Variants in CTDSPL2 observed in about 807,000 individuals in gnomAD.
CTDSPL2 encodes the protein CTD small phosphatase like 2.
A neutral mutation model predicts 60.0 loss-of-function variants in CTDSPL2; 5 were observed. That is an observed-to-expected ratio of 0.08 (90% CI 0.04 to 0.18). The LOEUF (loss-of-function observed/expected upper bound fraction) is 0.18, where lower values mean the gene tolerates loss of function less well. Ranked by LOEUF, CTDSPL2 falls within the 10% of genes least tolerant of loss-of-function variation. The pLI is 1.00. For missense variants in CTDSPL2, 370 were observed against 548.8 expected (o/e 0.67, Z 3.26); for synonymous variants, 186 against 189.3 (o/e 0.98, Z 0.14).
At chr15:44,456,430 T>G (rs1165979273) in intron 1 of CTDSPL2, among the ~76,000 whole-genome samples, 1 of 152,172 alleles carries the variant, frequency 6.6e-6, no homozygotes, top group Non-Finnish European at 1.5e-5. Context: ...CCTGTTATTG[T>G]TCTATTCAGA....
At chr15:44,521,266 A>G in intron 11 of CTDSPL2, 45 bp from the exon 12 acceptor site, 2 of 972,082 alleles carry the variant, frequency 2.1e-6, no homozygotes, top group Non-Finnish European at 3.1e-6. Flanking sequence ...CAAACTAGGT[A>G]AAATATAAGT....
intron 1 of CTDSPL2, among the ~76,000 whole-genome samples, chr15:44,435,607 TG>T (rs1177609589): frequency 1.3e-5 from 2 of 149,592 alleles, no homozygotes; most frequent in Non-Finnish European, 1.5e-5. Flanking sequence ...GTTGTAGAGT[TG>T]TTTTTTTTTT....
At chr15:44,497,375 TA>T (rs1173864005) in intron 7 of CTDSPL2, among the ~76,000 whole-genome samples, 3 of 152,174 alleles carry the variant, frequency 2.0e-5, no homozygotes, top group Non-Finnish European at 4.4e-5. Context: ...CACAATTTCT[TA>T]TTTTTTTGAG....
chr15:44,519,445 A>T (rs778573316), intron 11 of CTDSPL2, 150 bp downstream of exon 11: 2 of 731,274 alleles, frequency 2.7e-6, no homozygotes, highest in Non-Finnish European at 4.2e-6. Flanking sequence ...TAGAAATGAC[A>T]AAGTGGTATA....
intron 8 of CTDSPL2, chr15:44,503,734 G>T (rs1210209142): frequency 6.6e-6 from 1 of 152,202 alleles, no homozygotes. Flanking sequence ...TGTAAAGCTT[G>T]GCAGGGGCAT....
chr15:44,499,848 T>C lies in CTDSPL2; in HGVS notation c.969+35T>C, dbSNP rs769384414. 5.0e-6 allele frequency: 6 copies of C among 1,202,040 alleles called. No individual in the cohort carries two copies. In the South Asian group the frequency reaches 7.6e-5, roughly 15 times the overall value. 74.5% of individuals were successfully genotyped at this position (1,202,040 alleles called of 1,614,324 possible). On this transcript the variant is annotated intron_variant, in intron 8 of 12. Transcript: ENST00000260327. ...ATTTTTTTGATGATTTTTGGCCTGA[T>C]AGGTAACATTCTGATAAAAAAAACT...
At chr15:44,449,248 G>T (rs2080284166) in intron 1 of CTDSPL2, 2 of 261,374 alleles carry the variant, frequency 7.7e-6, no homozygotes, top group South Asian at 1.1e-4. Context: ...TTCACTTTCA[G>T]TGGTCTTCCA....
At chr15:44,444,849 T>A (rs1049391875) in intron 1 of CTDSPL2, among the ~76,000 whole-genome samples, 1 of 124,686 alleles carries the variant, frequency 8.0e-6, no homozygotes, top group Non-Finnish European at 1.7e-5. Flanking sequence ...TTTTTTTTTT[T>A]TTTTTTTTTT....
At chr15:44,459,400 G>A (rs901394808) in intron 2 of CTDSPL2, among the ~76,000 whole-genome samples, 200 bp downstream of exon 2, 3 of 152,102 alleles carry the variant, frequency 2.0e-5, no homozygotes, top group South Asian at 2.1e-4. Flanking sequence ...GGTGGCGGGC[G>A]CCTGTAGTCC....
chr15:44,464,012 T>C (rs942196111), intron 2 of CTDSPL2, among the ~76,000 whole-genome samples: 2 of 152,204 alleles, frequency 1.3e-5, no homozygotes, highest in African/African-American at 4.8e-5. Flanking sequence ...CGACAGCTTT[T>C]ACTTTTTTTC....
chr15:44,435,447 G>A (rs1386988222), intron 1 of CTDSPL2, among the ~76,000 whole-genome samples: 1 of 151,486 alleles, frequency 6.6e-6, no homozygotes. Context: ...GCGCATGCCT[G>A]TAATCCCAGC....
chr15:44,486,784 C>CTTCGTCTCAA, intron 4 of CTDSPL2, 84 bp downstream of exon 4: 1 of 964,260 alleles, frequency 1.0e-6, no homozygotes, highest in Non-Finnish European at 1.5e-6. Flanking sequence ...TTTCTTGAGA[C>CTTCGTCTCAA]GAAGTCTCTC....
intron 7 of CTDSPL2, 120 bp from the exon 8 acceptor site, chr15:44,499,607 A>G: frequency 1.7e-6 from 1 of 576,432 alleles, no homozygotes; most frequent in Non-Finnish European, 3.0e-6. Context: ...GTAATATATT[A>G]TAAATGTAAA....
intron 2 of CTDSPL2, among the ~76,000 whole-genome samples, chr15:44,474,762 A>G (rs1567080883): frequency 1.3e-5 from 2 of 152,168 alleles, no homozygotes; most frequent in South Asian, 4.2e-4. Context: ...AGGCTGAGGC[A>G]GGAGAATTGC....
chr15:44,433,459 T>TAC (rs56657073), intron 1 of CTDSPL2, among the ~76,000 whole-genome samples: 5,697 of 147,744 alleles, frequency 0.039, 150 homozygotes, highest in African/African-American at 0.069. Flanking sequence ...TACATATATA[T>TAC]ACACACACAC....
At position 44,465,164 on chromosome 15, in the gene CTDSPL2, C is replaced by G. The variant is rs138782397; in HGVS notation, c.186+5964C>G. Reference sequence around the variant, plus strand: ...AAATACAGATTTTGTGATTCAAAGACTTCAGATTTATGAAATTATCAGCAA... The same window carrying G: ...AAATACAGATTTTGTGATTCAAAGAGTTCAGATTTATGAAATTATCAGCAA... On this transcript the variant is annotated intron_variant, in intron 2 of 12. Coordinates refer to ENST00000260327, the MANE Select transcript of CTDSPL2 (RefSeq NM_016396.3). 2.6e-5 allele frequency among the ~76,000 whole-genome samples: 4 copies of G among 152,244 alleles called. 1 individual carries two copies. The highest frequency in any genetic ancestry group is 9.6e-5 in the African/African-American group (4 of 41,568).
chr15:44,430,794 A>G (rs563055855), intron 1 of CTDSPL2, among the ~76,000 whole-genome samples: 1 of 152,052 alleles, frequency 6.6e-6, no homozygotes, highest in South Asian at 2.1e-4. Context: ...GTTTTAAGTA[A>G]ATTGGCTACA....
chr15:44,471,712 A>G (rs2080814165), intron 2 of CTDSPL2, among the ~76,000 whole-genome samples: 1 of 152,144 alleles, frequency 6.6e-6, no homozygotes, highest in Non-Finnish European at 1.5e-5. Context: ...TTGTGCAACC[A>G]TTGCCTCAAC....
intron 1 of CTDSPL2, 73 bp from the exon 2 acceptor site, chr15:44,458,918 G>T (rs1213284727): frequency 5.1e-6 from 5 of 974,532 alleles, no homozygotes; most frequent in Non-Finnish European, 7.1e-6. Flanking sequence ...TATAAGCTGG[G>T]CACATTTGGG....
Sources: allele counts gnomAD v4.1 joint callset (sites outside exome capture counted in the v4.1 genomes callset), GRCh38; gene constraint gnomAD v4.1.1; transcripts MANE v1.5; gene names NCBI Gene and HGNC (gene_info 2026-07-23, HGNC 2026-07-21).